The following PTPN14 variants were observed in gnomAD, a reference collection of about 807,000 sequenced individuals.
The protein encoded by PTPN14 is tyrosine-protein phosphatase non-receptor type 14.
A neutral mutation model predicts 126.8 loss-of-function variants in PTPN14; 53 were observed. That is an observed-to-expected ratio of 0.42 (90% CI 0.34 to 0.53). PTPN14 has a LOEUF of 0.53. Ranked by LOEUF, PTPN14 falls within the 20% of genes least tolerant of loss-of-function variation. The pLI is 0.08. For synonymous variants in PTPN14, 630 were observed against 599.3 expected (o/e 1.05, Z -0.75); for missense variants, 1,257 against 1,552.9 (o/e 0.81, Z 3.20).
chr1:214,523,505 C>T (rs12565465), intron 1 of PTPN14, among the ~76,000 whole-genome samples: 23,467 of 152,216 alleles, frequency 0.15, 1,871 homozygotes, highest in Middle Eastern at 0.27. Context: ...CAATAGGCTA[C>T]ACCATCTAGC....
At chr1:214,437,035 T>C (rs887741293) in intron 3 of PTPN14, among the ~76,000 whole-genome samples, 18 of 151,664 alleles carry the variant, frequency 1.2e-4, no homozygotes, top group Non-Finnish European at 2.5e-4. Flanking sequence ...TACTTAAATA[T>C]AGTGTACTTC....
intron 3 of PTPN14, among the ~76,000 whole-genome samples, chr1:214,416,369 A>G (rs1181805620): frequency 6.6e-6 from 1 of 152,248 alleles, no homozygotes; most frequent in East Asian, 1.9e-4. Context: ...AGCTAAGATT[A>G]TTTATTAGAG....
Position 214,394,951 on chromosome 1 carries a change from G to A in PTPN14, c.794C>T (p.Ser265Leu), listed in dbSNP as rs1158524710. 3.1e-6 allele frequency: 5 copies of A among 1,613,542 alleles called. No individual in the cohort carries two copies. Among genetic ancestry groups the A allele is most frequent in the East Asian group, 2.2e-5 (1 of 44,866 alleles). The change falls in exon 9 of 19, where the codon TCG (serine) becomes TTG (leucine). Residue 265 changes from serine to leucine, a missense_variant. Physicochemically the swap from Ser to Leu is moderately radical, Grantham distance 145. Around this residue, in one of 3 missense-constraint regions of PTPN14, gnomAD observed 1,021 missense variants for 1,183.3 expected, o/e 0.86. Transcript: ENST00000366956. ...GTTGATGAGCTCCACTAGAATGGTC[G>A]ACTTGTTATGAGTGATATTCCCCAT... ...NDMGNITHNK[S>L]TILVELINKE...
chr1:214,490,129 C>G (rs1292264418), intron 1 of PTPN14, among the ~76,000 whole-genome samples: 3 of 152,214 alleles, frequency 2.0e-5, no homozygotes. Flanking sequence ...AAAGTCACTC[C>G]TCTTACAATG....
chr1:214,372,339 C>T (rs1468382776), intron 16 of PTPN14: 1 of 290,434 alleles, frequency 3.4e-6, no homozygotes, highest in Non-Finnish European at 6.6e-6. Flanking sequence ...CCCAGAGCAG[C>T]CTGAGACTCC....
rs760136630 is a variant in PTPN14 at position 214,384,189 on chromosome 1, C to A, written c.1666G>T (p.Ala556Ser). 4 of 1,606,788 alleles carry A rather than the reference C, an allele frequency of 2.5e-6. No homozygotes were observed. In the Admixed American group the frequency reaches 5.0e-5, roughly 20 times the overall value. ...AAGAGATAGTTCTTAAGCATGTGGG[C>A]CGTGCTGTAGTTATGGCTGCCCTGC... is the stretch of plus-strand genomic sequence containing the variant. Reference protein sequence around the residue: ...QLQGSHNYSTAHMLKNYLFRP... With the variant: ...QLQGSHNYSTSHMLKNYLFRP... The change falls in exon 13 of 19, where the codon GCC (alanine) becomes TCC (serine). Residue 556 changes from alanine to serine, a missense_variant. Physicochemically the swap from Ala to Ser is moderately conservative, Grantham distance 99. Transcript: ENST00000366956. This position sits in a 1 kb window ranked among gnomAD's most constrained non-coding sequence, Gnocchi z 5.3.
At chr1:214,505,274 C>T in intron 1 of PTPN14, among the ~76,000 whole-genome samples, 1 of 152,110 alleles carries the variant, frequency 6.6e-6, no homozygotes, top group East Asian at 1.9e-4. Flanking sequence ...GGAGGAGAAC[C>T]TTCAACAAAC....
intron 1 of PTPN14, among the ~76,000 whole-genome samples, chr1:214,494,101 C>T (rs1661308250): frequency 6.6e-6 from 1 of 151,986 alleles, no homozygotes; most frequent in African/African-American, 2.4e-5. Flanking sequence ...GACAGAGTCT[C>T]GCACTGTCGC....
rs910286684 is a variant in PTPN14, at chr1:214,503,049, C to T, written c.-154-38092G>A. ...AAATTCCAACCAAAAGGATAAGATC[C>T]AATTAAATGAGAGATTCAGAGTTTT... On this transcript the variant is annotated intron_variant, in intron 1 of 18. Transcript: ENST00000366956. Among the ~76,000 whole-genome samples the T allele has an allele frequency of 6.6e-5, 10 of 152,122 alleles. No individual in the cohort carries two copies. The East Asian group carries it at 1.4e-3, about 21-fold the overall frequency.
At chr1:214,396,748 G>T (rs187312094) in intron 8 of PTPN14, among the ~76,000 whole-genome samples, 1 of 152,250 alleles carries the variant, frequency 6.6e-6, no homozygotes, top group East Asian at 1.9e-4. Context: ...TTCAGTAGCT[G>T]GTGTGCAAGA....
intron 5 of PTPN14, among the ~76,000 whole-genome samples, chr1:214,410,707 ACTG>A (rs1659288378): frequency 6.6e-6 from 1 of 152,198 alleles, no homozygotes; most frequent in Non-Finnish European, 1.5e-5. Context: ...TGCTGAATAT[ACTG>A]CCCTTTCACC....
intron 2 of PTPN14, among the ~76,000 whole-genome samples, chr1:214,452,575 G>A (rs897525022): frequency 3.3e-5 from 5 of 152,196 alleles, no homozygotes; most frequent in Non-Finnish European, 7.3e-5. Context: ...AGCTTTGAGA[G>A]AGGAAGGATC....
chr1:214,459,417 T>C (rs961671494), intron 2 of PTPN14, among the ~76,000 whole-genome samples: 1 of 151,454 alleles, frequency 6.6e-6, no homozygotes, highest in African/African-American at 2.4e-5. Flanking sequence ...CCTCCCAAAG[T>C]GCTGGGATTA....
At chr1:214,522,558 T>G (rs1655286665) in intron 1 of PTPN14, among the ~76,000 whole-genome samples, 1 of 152,120 alleles carries the variant, frequency 6.6e-6, no homozygotes, top group Admixed American at 6.5e-5. Flanking sequence ...TTCCATCAGG[T>G]TCTGAAACAA....
intron 18 of PTPN14, among the ~76,000 whole-genome samples, chr1:214,359,010 C>G (rs2102502047): frequency 6.6e-6 from 1 of 152,086 alleles, no homozygotes; most frequent in East Asian, 1.9e-4. Flanking sequence ...TCCCAAAGTG[C>G]TGGGATTACA....
chr1:214,390,985 T>C lies in PTPN14; in HGVS notation c.987+3A>G, dbSNP rs377724827. On this transcript the variant is annotated splice_donor_region_variant and intron_variant, in intron 11 of 18. Coordinates refer to ENST00000366956, the MANE Select transcript of PTPN14 (RefSeq NM_005401.5). Reference sequence around the variant, plus strand: ...ACTTGATCACTGCAGCTTCTATACATACCAGAGAGGATCGGCTCCAGGTGG... The same window carrying C: ...ACTTGATCACTGCAGCTTCTATACACACCAGAGAGGATCGGCTCCAGGTGG... The C allele has an allele frequency of 4.5e-6, 7 of 1,556,964 alleles. No individual in the cohort carries two copies. The East Asian group carries it at 9.0e-5, about 20-fold the overall frequency.
chr1:214,372,356 C>A, intron 16 of PTPN14: 1 of 299,108 alleles, frequency 3.3e-6, no homozygotes, highest in Non-Finnish European at 6.5e-6. Context: ...CTCCCAAATT[C>A]CAGTGGAAAG....
chr1:214,358,014 C>A lies in PTPN14; in HGVS notation c.3472G>T (p.Glu1158Ter). The A allele has an allele frequency of 1.2e-6, 2 of 1,613,706 alleles. No individual in the cohort carries two copies. The highest frequency in any genetic ancestry group is 1.7e-4 in the Middle Eastern group (1 of 5,816). ...GTCTGGATCATGAACATCCTCTGCTCCCTGAGGAGCCTCAGCATCATGGGC... is the reference window on the plus strand; with the variant it reads ...GTCTGGATCATGAACATCCTCTGCTACCTGAGGAGCCTCAGCATCATGGGC... ...EVPMMLRLLR[E>*]QRMFMIQTIA... The change falls in exon 19 of 19, where the codon GAG becomes TAG. Residue 1158 changes from glutamate (E) to a stop codon, truncating the protein, a stop_gained. Coordinates refer to ENST00000366956, the MANE Select transcript of PTPN14 (RefSeq NM_005401.5). LOFTEE classifies it high-confidence loss of function.
intron 5 of PTPN14, among the ~76,000 whole-genome samples, chr1:214,411,346 T>C (rs2102580378): frequency 6.6e-6 from 1 of 152,298 alleles, no homozygotes; most frequent in South Asian, 2.1e-4. Context: ...TGACATGATC[T>C]TATATGTAGA....
Sources: gnomAD v4.1 joint callset for allele counts (sites outside exome capture counted in the v4.1 genomes callset) on GRCh38, gnomAD v4.1.1 for gene constraint, gnomAD v4.1.1 regional missense constraint, Gnocchi (gnomAD v3.1) non-coding constraint, MANE v1.5 for transcripts, NCBI Gene and HGNC (gene_info 2026-07-23, HGNC 2026-07-21) for gene names.